The following SVOPL variants were observed in gnomAD, a reference collection of about 807,000 sequenced individuals.
SVOPL encodes the protein putative transporter SVOPL.
A neutral mutation model predicts 61.0 loss-of-function variants in SVOPL; 60 were observed. The observed-to-expected ratio is 0.98, with a 90% CI of 0.80 to 1.22. SVOPL has a LOEUF of 1.22. SVOPL is among the 50% of genes most tolerant of loss of function. The probability of loss-of-function intolerance (pLI) is 0.00; values close to 1 mark genes in which losing one functional copy is unlikely to be tolerated. For synonymous variants in SVOPL, 279 were observed against 250.0 expected, an observed-to-expected ratio of 1.12 and a Z score of -1.09; for missense variants, 662 against 643.9, an observed-to-expected ratio of 1.03 and a Z score of -0.30.
Position 138,621,093 on chromosome 7 carries a change from C to T in SVOPL, c.1306G>A (p.Gly436Ser), listed in dbSNP as rs61749304. ...TMRALGMGTS[G>S]SLCRIGAMVA... is the part of the protein sequence containing the mutation. The stretch of plus-strand genomic sequence containing the variant: ...ATTGCACCAATGCGACACAGGGAGC[C>T]GCTGGTTCCCATCCCCAAAGCGCGC... The change falls in exon 14 of 16, where the codon GGC (glycine) becomes AGC (serine). Residue 436 changes from glycine to serine, a missense_variant. By Grantham distance (56) the Gly-to-Ser change is moderately conservative (BLOSUM62 0). Transcript: ENST00000674285. The T allele has an allele frequency of 3.2e-4, 516 of 1,613,706 alleles. 1 individual carries two copies. The African/African-American group carries it at 5.9e-3, about 18-fold the overall frequency.
chr7:138,640,553 T>TA (rs1207858847), intron 9 of SVOPL, among the ~76,000 whole-genome samples: 2 of 152,166 alleles, frequency 1.3e-5, no homozygotes, highest in Non-Finnish European at 2.9e-5. Context: ...CCCAGCTTTT[T>TA]AAAAAATTTT....
chr7:138,678,644 G>A (rs1173971615), intron 2 of SVOPL, 119 bp from the exon 3 acceptor site: 2 of 953,372 alleles, frequency 2.1e-6, no homozygotes, highest in Non-Finnish European at 3.1e-6. Context: ...GGGGGTCAGT[G>A]GTAGGCAACC....
At chr7:138,596,204 A>AAAG (rs1554448782) in intron 15 of SVOPL, among the ~76,000 whole-genome samples, 28 of 151,706 alleles carry the variant, frequency 1.8e-4, no homozygotes, top group Admixed American at 4.6e-4. Flanking sequence ...AAAAAAAAAA[A>AAAG]AAAGAAAGAA....
At chr7:138,643,646 T>C (rs1423698428) in intron 9 of SVOPL, among the ~76,000 whole-genome samples, 17 of 149,156 alleles carry the variant, frequency 1.1e-4, no homozygotes, top group Non-Finnish European at 1.9e-4. Flanking sequence ...CGAAATGAAA[T>C]GAACCAGTCA....
intron 13 of SVOPL, among the ~76,000 whole-genome samples, 171 bp from the exon 14 acceptor site, chr7:138,621,306 T>G (rs917499712): frequency 6.6e-6 from 1 of 152,232 alleles, no homozygotes; most frequent in African/African-American, 2.4e-5. Flanking sequence ...TTTGAATTTT[T>G]GGGACAATAT....
At chr7:138,676,721 A>G (rs1802569993) in intron 3 of SVOPL, among the ~76,000 whole-genome samples, 1 of 152,148 alleles carries the variant, frequency 6.6e-6, no homozygotes, top group Non-Finnish European at 1.5e-5. Context: ...ATGTGTTCGA[A>G]TTTACATAAA....
intron 10 of SVOPL, 64 bp downstream of exon 10, chr7:138,629,985 A>C: frequency 7.4e-7 from 1 of 1,351,716 alleles, no homozygotes; most frequent in Non-Finnish European, 1.1e-6. Context: ...ACATAGATTT[A>C]CTTAAATAGG....
intron 9 of SVOPL, among the ~76,000 whole-genome samples, chr7:138,637,731 C>A (rs976779649): frequency 2.6e-5 from 4 of 152,088 alleles, no homozygotes; most frequent in African/African-American, 7.2e-5. Flanking sequence ...GCAGGCAGAT[C>A]ACTTGAGGTC....
intron 9 of SVOPL, among the ~76,000 whole-genome samples, chr7:138,642,287 C>CAAAAAAAAAAAAAAAAAA (rs79469915): frequency 9.0e-6 from 1 of 111,670 alleles, no homozygotes; most frequent in African/African-American, 3.6e-5. Context: ...GGAAATTAGC[C>CAAAAAAAAAAAAAAAAAA]AAAAAAAAAA....
chr7:138,649,460 A>AT lies in SVOPL; in HGVS notation c.535-324dup, dbSNP rs536294396. Among the ~76,000 whole-genome samples, 997 of 151,264 alleles carry AT rather than the reference A, an allele frequency of 6.6e-3. 7 individuals carry two copies. Among genetic ancestry groups the AT allele is most frequent in the Non-Finnish European group, 1.0e-2 (674 of 67,722 alleles). ...AGGCATGTGCCACCACGCCCAGCTC[A>AT]TTTTTTTTGTATTTTTAGTAGAGAC... On this transcript the variant is annotated intron_variant, in intron 7 of 15. Coordinates refer to ENST00000674285, the MANE Select transcript of SVOPL (RefSeq NM_001139456.2).
intron 1 of SVOPL, chr7:138,689,100 A>G (rs117989956): frequency 0.037 from 28,217 of 764,466 alleles, 937 homozygotes; most frequent in South Asian, 0.087. Context: ...GGGTATGCAT[A>G]TATGAAAAGC....
Position 138,620,570 on chromosome 7 carries a change from C to T in SVOPL, c.1353+476G>A, listed in dbSNP as rs114984947. ...TTCTCCTGAAACAAGCCTCCATCCA[C>T]GGCTCCAAGTCACCCTGGATTTTAT... On this transcript the variant is annotated intron_variant, in intron 14 of 15. Coordinates refer to ENST00000674285, the MANE Select transcript of SVOPL (RefSeq NM_001139456.2). Among the ~76,000 whole-genome samples the T allele has an allele frequency of 6.2e-3, 946 of 152,144 alleles. 9 individuals carry two copies. Among genetic ancestry groups the T allele is most frequent in the African/African-American group, 0.019 (795 of 41,506 alleles).
chr7:138,672,656 T>TAAA (rs35593361), intron 3 of SVOPL, among the ~76,000 whole-genome samples: 2 of 118,852 alleles, frequency 1.7e-5, no homozygotes, highest in African/African-American at 3.3e-5. Context: ...TTTTTGTGTT[T>TAAA]AAAAAAAAAA....
At chr7:138,699,601 G>A (rs2117153659) in intron 1 of SVOPL, among the ~76,000 whole-genome samples, 1 of 152,278 alleles carries the variant, frequency 6.6e-6, no homozygotes, top group South Asian at 2.1e-4. Flanking sequence ...TTACTTATGA[G>A]AGGCACGACA....
At chr7:138,689,371 G>C in intron 1 of SVOPL, 1 of 1,579,584 alleles carries the variant, frequency 6.3e-7, no homozygotes, top group Non-Finnish European at 8.6e-7. Flanking sequence ...CGGATCGACA[G>C]AGCTTATGGT....
chr7:138,630,263 G>C (rs997476119), intron 9 of SVOPL, 141 bp from the exon 10 acceptor site: 3 of 662,158 alleles, frequency 4.5e-6, no homozygotes, highest in Non-Finnish European at 8.1e-6. Context: ...TATGAGTACA[G>C]CTGACACAAA....
chr7:138,636,243 T>C (rs1800462704), intron 9 of SVOPL, among the ~76,000 whole-genome samples: 1 of 152,096 alleles, frequency 6.6e-6, no homozygotes, highest in African/African-American at 2.4e-5. Flanking sequence ...ATAATAATTT[T>C]TAAAATTCTG....
intron 4 of SVOPL, among the ~76,000 whole-genome samples, chr7:138,663,727 A>G (rs894368965): frequency 1.3e-5 from 2 of 152,030 alleles, no homozygotes; most frequent in African/African-American, 4.8e-5. Context: ...TTGGCCTGAG[A>G]CCTCAGCTGC....
intron 9 of SVOPL, 141 bp from the exon 10 acceptor site, chr7:138,630,263 G>T (rs997476119): frequency 1.5e-6 from 1 of 662,276 alleles, no homozygotes; most frequent in Non-Finnish European, 2.7e-6. Context: ...TATGAGTACA[G>T]CTGACACAAA....
Sources: gnomAD v4.1 joint callset for allele counts (sites outside exome capture counted in the v4.1 genomes callset) on GRCh38, gnomAD v4.1.1 for gene constraint, MANE v1.5 for transcripts, NCBI Gene and HGNC (gene_info 2026-07-23, HGNC 2026-07-21) for gene names.